SLC44A5: variants seen among roughly 807,000 people sequenced by gnomAD.
The protein encoded by SLC44A5 is solute carrier family 44 member 5.
In SLC44A5, 57 loss-of-function variants were observed where a neutral mutation model predicts 101.8. The observed-to-expected ratio is 0.56, with a 90% CI of 0.45 to 0.70. The LOEUF (loss-of-function observed/expected upper bound fraction) is 0.70. SLC44A5 is among the 30% of genes least tolerant of loss of function. The pLI, the probability that SLC44A5 is intolerant of heterozygous loss-of-function variation, is 0.00. For missense variants in SLC44A5, 737 were observed against 853.1 expected (o/e 0.86, Z 1.70); for synonymous variants, 281 against 290.9 (o/e 0.97, Z 0.35).
intron 2 of SLC44A5, among the ~76,000 whole-genome samples, chr1:75,405,174 C>T (rs1477082687): frequency 6.6e-6 from 1 of 152,172 alleles, no homozygotes; most frequent in Non-Finnish European, 1.5e-5. Context: ...GCACCCAATA[C>T]AGGAGCACCC....
chr1:75,680,980 A>T, the SLC44A5 span, among the ~76,000 whole-genome samples: 2 of 150,660 alleles, frequency 1.3e-5, no homozygotes, highest in Non-Finnish European at 3.0e-5. Context: ...AATACTACAA[A>T]CACCTCTACG....
the SLC44A5 span, among the ~76,000 whole-genome samples, chr1:75,696,912 G>A: frequency 2.0e-5 from 3 of 151,804 alleles, no homozygotes; most frequent in Non-Finnish European, 2.9e-5. Flanking sequence ...AGGTGAACAT[G>A]AGAGTCACGG....
chr1:75,659,486 A>AAGGAAGGCAGGC, the SLC44A5 span, among the ~76,000 whole-genome samples: 1 of 69,708 alleles, frequency 1.4e-5, no homozygotes, highest in African/African-American at 6.1e-5. Flanking sequence ...GGAAGGAAGG[A>AAGGAAGGCAGGC]AGGAAGGCAG....
rs562927590 is a variant in SLC44A5, at chr1:75,319,632, G to A, written c.102-18947C>T. Reference sequence around the variant, plus strand: ...ACCCCACAAGAGGCAAGACTATGACGGCATTTCTGCCTTTCTACTATCATC... The same window carrying A: ...ACCCCACAAGAGGCAAGACTATGACAGCATTTCTGCCTTTCTACTATCATC... On this transcript the variant is annotated intron_variant, in intron 4 of 23. Transcript: ENST00000370859. Among the ~76,000 whole-genome samples the A allele has an allele frequency of 2.6e-5, 4 of 152,012 alleles. 1 individual carries two copies. Among genetic ancestry groups the A allele is most frequent in the African/African-American group, 9.7e-5 (4 of 41,388 alleles).
At chr1:75,527,808 C>G (rs1254935792) in intron 2 of SLC44A5, among the ~76,000 whole-genome samples, 2 of 152,140 alleles carry the variant, frequency 1.3e-5, no homozygotes, top group Admixed American at 1.3e-4. Context: ...CCATTAGACA[C>G]CTTTCTAGGC....
At chr1:75,348,448 G>A (rs777689150) in intron 3 of SLC44A5, among the ~76,000 whole-genome samples, 5 of 152,124 alleles carry the variant, frequency 3.3e-5, no homozygotes, top group African/African-American at 1.2e-4. Context: ...GAACTTTAGA[G>A]AGCTATCCCT....
At chr1:75,360,031 T>C (rs938537318) in intron 3 of SLC44A5, among the ~76,000 whole-genome samples, 1 of 152,200 alleles carries the variant, frequency 6.6e-6, no homozygotes, top group African/African-American at 2.4e-5. Context: ...TCCTTGCTAC[T>C]GAGTTGTTTG....
At chr1:75,569,679 G>C (rs968087611) in intron 1 of SLC44A5, among the ~76,000 whole-genome samples, 9 of 152,142 alleles carry the variant, frequency 5.9e-5, no homozygotes, top group Non-Finnish European at 1.0e-4. Flanking sequence ...AACGGTAAAT[G>C]CTCAAAATAA....
intron 3 of SLC44A5, among the ~76,000 whole-genome samples, chr1:75,388,103 C>A: frequency 1.5e-5 from 2 of 135,654 alleles, no homozygotes; most frequent in Non-Finnish European, 3.1e-5. Context: ...GGAGATATAC[C>A]TAATGCTAGA....
rs569567056 is a variant in SLC44A5 at position 75,350,709 on chromosome 1, A to G, written c.53-11079T>C. Among the ~76,000 whole-genome samples the G allele has an allele frequency of 3.3e-5, 5 of 151,918 alleles. No homozygotes were observed. In the East Asian group the frequency reaches 9.8e-4, roughly 30 times the overall value. On this transcript the variant is annotated intron_variant, in intron 3 of 23. Coordinates refer to ENST00000370859, the MANE Select transcript of SLC44A5 (RefSeq NM_001130058.2). ...GGAGTTCAAGACCAGCCTGGCCAAC[A>G]TGGTGAAACCCTGTCTTTACTAAAG...
chr1:75,507,520 T>C (rs2101859372), intron 2 of SLC44A5, among the ~76,000 whole-genome samples: 1 of 152,298 alleles, frequency 6.6e-6, no homozygotes, highest in South Asian at 2.1e-4. Flanking sequence ...TATTTTTTCA[T>C]TGTGTCTTTG....
intron 5 of SLC44A5, among the ~76,000 whole-genome samples, chr1:75,296,332 C>T (rs972585860): frequency 6.6e-6 from 1 of 151,426 alleles, no homozygotes; most frequent in Non-Finnish European, 1.5e-5. Context: ...TGTATTAAGG[C>T]TACCATTGTC....
At chr1:75,384,023 A>G (rs1213816907) in intron 3 of SLC44A5, among the ~76,000 whole-genome samples, 1 of 151,472 alleles carries the variant, frequency 6.6e-6, no homozygotes, top group East Asian at 2.0e-4. Flanking sequence ...TTTTGTCACC[A>G]CCAGGCCTGC....
chr1:75,366,842 G>T (rs781318736), intron 3 of SLC44A5, among the ~76,000 whole-genome samples: 7 of 151,886 alleles, frequency 4.6e-5, no homozygotes, highest in Non-Finnish European at 1.0e-4. Context: ...TTCTGTCATT[G>T]TATTTTTTAG....
chr1:75,310,009 T>C (rs564666159), intron 4 of SLC44A5, among the ~76,000 whole-genome samples: 2 of 152,356 alleles, frequency 1.3e-5, no homozygotes, highest in East Asian at 1.9e-4. Flanking sequence ...TCATTATTAT[T>C]AGCAAAAGTA....
At chr1:75,560,934 A>G (rs79126601) in intron 1 of SLC44A5, among the ~76,000 whole-genome samples, 3,214 of 152,304 alleles carry the variant, frequency 0.021, 60 homozygotes, top group East Asian at 0.095. Context: ...CAAATTATGT[A>G]CCTCATCCTA....
chr1:75,564,636 T>TTATTTATTTATTTATTTTC (rs1228370467), intron 1 of SLC44A5, among the ~76,000 whole-genome samples: 2 of 151,662 alleles, frequency 1.3e-5, no homozygotes, highest in Non-Finnish European at 2.9e-5. Flanking sequence ...TATTTATTTT[T>TTATTTATTTATTTATTTTC]CGAGATGGAG....
the SLC44A5 span, among the ~76,000 whole-genome samples, chr1:75,706,379 A>T: frequency 6.6e-6 from 1 of 152,138 alleles, no homozygotes; most frequent in African/African-American, 2.4e-5. Context: ...TAATTTTTGC[A>T]AATATTCCAT....
At chr1:75,267,033 A>G (rs950147615) in intron 6 of SLC44A5, among the ~76,000 whole-genome samples, 7 of 152,308 alleles carry the variant, frequency 4.6e-5, no homozygotes, top group African/African-American at 1.7e-4. Context: ...TCGAATCCAT[A>G]GCTTTCTTGA....
Sources: gnomAD v4.1 joint callset for allele counts (sites outside exome capture counted in the v4.1 genomes callset) on GRCh38, gnomAD v4.1.1 for gene constraint, MANE v1.5 for transcripts, NCBI Gene and HGNC (gene_info 2026-07-23, HGNC 2026-07-21) for gene names.